The following SLC35A2 variants were observed in gnomAD, a reference collection of about 807,000 sequenced individuals.
SLC35A2 encodes solute carrier family 35 member A2.
In SLC35A2, 1 loss-of-function variant was observed where a neutral mutation model predicts 17.3. That is an observed-to-expected ratio of 0.06 (90% CI 0.02 to 0.27). The LOEUF (loss-of-function observed/expected upper bound fraction) is 0.27, where lower values mean the gene tolerates loss of function less well. SLC35A2 is among the 10% of genes least tolerant of loss of function. The pLI is 1.00. For synonymous variants in SLC35A2, 161 were observed against 161.3 expected, an observed-to-expected ratio of 1.00 and a Z score of 0.01; for missense variants, 191 against 339.3, an observed-to-expected ratio of 0.56 and a Z score of 3.43.
intron 1 of SLC35A2, 25 bp downstream of exon 1, chrX:48,911,521 C>A: frequency 8.6e-7 from 1 of 1,158,642 alleles, no homozygotes; most frequent in Non-Finnish European, 1.1e-6. Context: ...GCCTCCCATG[C>A]GACTGCTCGG....
rs782379632 is a variant in SLC35A2 at position 48,905,462 on chromosome X, G to T, written c.447C>A (p.Ile149=). The T allele has an allele frequency of 1.8e-4, 208 of 1,149,529 alleles. No individual in the cohort carries two copies. The highest frequency in any genetic ancestry group is 2.3e-4 in the Non-Finnish European group (204 of 869,495). 94.7% of individuals were successfully genotyped at this position (1,149,529 alleles called of 1,213,427 possible). The change falls in exon 4 of 5, where the codon ATC becomes ATA. Residue 149 remains isoleucine (I), a synonymous_variant. Transcript: ENST00000247138. ...ATFQVTYQLK[I]LTTALFSVLM... ...GCACGGAGAACAGCGCTGTGGTCAGGATCTTCAGCTGGTATGTCACCTGCG... is the reference window on the plus strand; with the variant it reads ...GCACGGAGAACAGCGCTGTGGTCAGTATCTTCAGCTGGTATGTCACCTGCG...
intron 2 of SLC35A2, among the ~76,000 whole-genome samples, chrX:48,908,760 T>TA (rs2063510747): frequency 8.9e-6 from 1 of 112,095 alleles, no homozygotes; most frequent in African/African-American, 3.2e-5. Flanking sequence ...TTAACAAAGG[T>TA]AAGAGCAGGT....
chrX:48,904,454 A>T, intron 4 of SLC35A2: 1 of 1,093,119 alleles, frequency 9.1e-7, no homozygotes, highest in Non-Finnish European at 1.2e-6. Context: ...GAATGACAAT[A>T]CCCCCAACCC....
At position 48,911,535 on chromosome X, in the gene SLC35A2, G is replaced by T; in HGVS notation, c.91+11C>A. On this transcript the variant is annotated intron_variant, in intron 1 of 4. Coordinates refer to ENST00000247138, the MANE Select transcript of SLC35A2 (RefSeq NM_005660.3). The stretch of plus-strand genomic sequence containing the variant: ...CGCCTCCCATGCGACTGCTCGGGCA[G>T]ACTGTCTCACCCGCACTGGCGGTCC... 8.6e-7 allele frequency: 1 copy of T among 1,160,409 alleles called. No individual in the cohort carries two copies.
chrX:48,904,692 C>A, intron 4 of SLC35A2, 54 bp downstream of exon 4: 1 of 1,209,996 alleles, frequency 8.3e-7, no homozygotes, highest in Non-Finnish European at 1.1e-6. Context: ...CCACCCCAGT[C>A]CCCCTCCCTT....
At chrX:48,911,402 AAC>A (rs782391567) in intron 1 of SLC35A2, 142 bp downstream of exon 1, 9 of 773,096 alleles carry the variant, frequency 1.2e-5, no homozygotes, top group Non-Finnish European at 1.7e-5. Flanking sequence ...CCCCGCCCCC[AAC>A]ACACTGACAA....
intron 2 of SLC35A2, 116 bp from the exon 3 acceptor site, chrX:48,906,659 C>T (rs2063492877): frequency 3.1e-6 from 2 of 638,128 alleles, no homozygotes; most frequent in East Asian, 3.4e-5. Flanking sequence ...TGTCCAATCC[C>T]TGGAGGCTGG....
At chrX:48,904,259 G>A (rs1167384729) in intron 4 of SLC35A2, 45 of 916,200 alleles carry the variant, frequency 4.9e-5, no homozygotes, top group Non-Finnish European at 6.1e-5. Flanking sequence ...AGGGAGGAGA[G>A]AAGGCCTCAA....
At chrX:48,910,097 C>T in intron 1 of SLC35A2, 101 bp from the exon 2 acceptor site, 2 of 915,336 alleles carry the variant, frequency 2.2e-6, no homozygotes, top group South Asian at 2.2e-5. Flanking sequence ...CCAGGACCCT[C>T]CTAGCCATGG....
intron 4 of SLC35A2, chrX:48,904,286 C>G: frequency 1.0e-6 from 1 of 965,231 alleles, no homozygotes; most frequent in Non-Finnish European, 1.3e-6. Context: ...GGCAACTGAA[C>G]CCCACAGGTA....
Position 48,903,242 on chromosome X carries a change from C to G in SLC35A2, c.*196G>C. On this transcript the variant is annotated 3_prime_UTR_variant, in exon 5 of 5. Transcript: ENST00000247138. The stretch of plus-strand genomic sequence containing the variant: ...CAGCTAAGAGATAGTGTGGAGCTGG[C>G]AGGGGCTGGGGGGCTGAGCTGAGGT... The G allele has an allele frequency of 1.0e-6, 1 of 980,907 alleles. No homozygotes were observed. 80.8% of individuals were successfully genotyped at this position (980,907 alleles called of 1,213,427 possible). A position where few individuals can be genotyped will look rare whatever the true frequency, so the allele number is the denominator to read the frequency against.
chrX:48,903,755 C>G, intron 4 of SLC35A2: 1 of 948,124 alleles, frequency 1.1e-6, no homozygotes, highest in Non-Finnish European at 1.3e-6. Flanking sequence ...CAAAGACAGC[C>G]CAGGCATCTT....
At chrX:48,908,345 AC>A (rs1275450136) in intron 2 of SLC35A2, among the ~76,000 whole-genome samples, 3 of 110,496 alleles carry the variant, frequency 2.7e-5, no homozygotes, top group Non-Finnish European at 3.8e-5. Flanking sequence ...CTAACTCCTG[AC>A]CTTGTGATCC....
intron 4 of SLC35A2, chrX:48,904,053 C>T: frequency 1.3e-6 from 1 of 761,200 alleles, no homozygotes; most frequent in South Asian, 6.5e-5. Context: ...GATATGATTA[C>T]ACCACAAATC....
chrX:48,911,775 A>C, upstream of SLC35A2: 1 of 1,166,077 alleles, frequency 8.6e-7, no homozygotes, highest in Non-Finnish European at 1.1e-6. Context: ...TCCGCTCCTA[A>C]AAGCTCAATG....
intron 2 of SLC35A2, among the ~76,000 whole-genome samples, chrX:48,907,594 C>T (rs1309514976): frequency 2.7e-5 from 3 of 112,225 alleles, no homozygotes; most frequent in African/African-American, 9.7e-5. Context: ...ACCCATGTGC[C>T]GTCTGAGGGC....
At chrX:48,910,892 G>T (rs1187355313) in intron 1 of SLC35A2, among the ~76,000 whole-genome samples, 3 of 109,686 alleles carry the variant, frequency 2.7e-5, no homozygotes, top group Non-Finnish European at 5.7e-5. Context: ...CACCGCACAC[G>T]GACCCTCTAG....
At chrX:48,904,488 G>A in intron 4 of SLC35A2, 1 of 1,111,383 alleles carries the variant, frequency 9.0e-7, no homozygotes, top group Non-Finnish European at 1.2e-6. Context: ...GTTAGAGGGA[G>A]CAGAGGCGGC....
chrX:48,903,224 G>T lies in SLC35A2; in HGVS notation c.*214C>A. 1 of 1,047,018 alleles carries T rather than the reference G, an allele frequency of 9.6e-7. No individual in the cohort carries two copies. The highest frequency in any genetic ancestry group is 1.3e-6 in the Non-Finnish European group (1 of 765,131). The allele number at this position is 1,047,018 out of a possible 1,213,427, so 86.3% of individuals were successfully genotyped here. On this transcript the variant is annotated 3_prime_UTR_variant, in exon 5 of 5. Coordinates refer to ENST00000247138, the MANE Select transcript of SLC35A2 (RefSeq NM_005660.3). ...ATTTTATTTGCAAAAACTCAGCTAA[G>T]AGATAGTGTGGAGCTGGCAGGGGCT...
Sources: gnomAD v4.1 joint callset for allele counts (sites outside exome capture counted in the v4.1 genomes callset) on GRCh38, gnomAD v4.1.1 for gene constraint, MANE v1.5 for transcripts, NCBI Gene and HGNC (gene_info 2026-07-23, HGNC 2026-07-21) for gene names.